The following KCNB2 variants were observed in gnomAD, a reference collection of about 807,000 sequenced individuals.
KCNB2 encodes potassium voltage-gated channel subfamily B member 2.
Under a neutral mutation model 61.5 loss-of-function variants are expected in KCNB2, and 15 were observed. The observed-to-expected ratio is 0.24, with a 90% CI of 0.16 to 0.38. The LOEUF (loss-of-function observed/expected upper bound fraction) is 0.38, where lower values mean the gene tolerates loss of function less well. KCNB2 is among the 10% of genes least tolerant of loss of function. The pLI, the probability that KCNB2 is intolerant of heterozygous loss-of-function variation, is 1.00. For missense variants in KCNB2, 828 were observed against 1,125.2 expected, an observed-to-expected ratio of 0.74 and a Z score of 3.78; for synonymous variants, 457 against 446.0, an observed-to-expected ratio of 1.02 and a Z score of -0.31.
chr8:72,712,811 G>A (rs1241142679), intron 2 of KCNB2, among the ~76,000 whole-genome samples: 1 of 152,124 alleles, frequency 6.6e-6, no homozygotes, highest in East Asian at 1.9e-4. Flanking sequence ...CTGGGCAGTG[G>A]GTTCAGGACA....
intron 1 of KCNB2, among the ~76,000 whole-genome samples, chr8:72,550,713 C>T (rs145065392): frequency 1.7e-3 from 263 of 152,260 alleles, no homozygotes; most frequent in African/African-American, 5.8e-3. Context: ...TATTTTCTGA[C>T]AGTCAGGAAA....
chr8:72,873,480 G>A (rs1470858822), intron 2 of KCNB2, among the ~76,000 whole-genome samples: 2 of 152,226 alleles, frequency 1.3e-5, no homozygotes, highest in African/African-American at 2.4e-5. Context: ...AATAGTGAAA[G>A]CAGTGTTCCT....
chr8:72,919,560 G>T (rs187031267), intron 2 of KCNB2, among the ~76,000 whole-genome samples: 153 of 152,290 alleles, frequency 1.0e-3, no homozygotes, highest in African/African-American at 3.7e-3. Context: ...CCTCCCCTTT[G>T]CAGCTGATGA....
chr8:72,748,384 A>G (rs933480438), intron 2 of KCNB2, among the ~76,000 whole-genome samples: 7 of 152,116 alleles, frequency 4.6e-5, no homozygotes, highest in Non-Finnish European at 1.0e-4. Flanking sequence ...TCTGTTCTGG[A>G]TGATTGCAAA....
intron 2 of KCNB2, among the ~76,000 whole-genome samples, chr8:72,865,798 C>T (rs1266134011): frequency 1.3e-5 from 2 of 152,164 alleles, no homozygotes; most frequent in African/African-American, 2.4e-5. Context: ...CTCAGCAAAA[C>T]ATCCCCTGAC....
chr8:72,714,373 T>A (rs1322016946), intron 2 of KCNB2, among the ~76,000 whole-genome samples: 1 of 151,958 alleles, frequency 6.6e-6, no homozygotes, highest in Non-Finnish European at 1.5e-5. Context: ...TTCACCAAAG[T>A]TGAAATGAAG....
At chr8:72,851,848 A>AAAAAAAAAAAAAAAC (rs869038932) in intron 2 of KCNB2, among the ~76,000 whole-genome samples, 27 of 145,744 alleles carry the variant, frequency 1.9e-4, no homozygotes, top group Non-Finnish European at 3.6e-4. Flanking sequence ...AAAAAAAAAA[A>AAAAAAAAAAAAAAAC]CACGTACTGC....
At chr8:72,828,386 T>C (rs751426061) in intron 2 of KCNB2, among the ~76,000 whole-genome samples, 1 of 152,234 alleles carries the variant, frequency 6.6e-6, no homozygotes, top group Non-Finnish European at 1.5e-5. Flanking sequence ...TTAATGTTCA[T>C]GCTATGAGGC....
intron 2 of KCNB2, among the ~76,000 whole-genome samples, chr8:72,624,538 A>G (rs1038166218): frequency 2.0e-5 from 3 of 151,336 alleles, no homozygotes; most frequent in Non-Finnish European, 4.4e-5. Context: ...TTTTTTTTTC[A>G]TTGAACAAGG....
chr8:72,608,161 G>A (rs1008942909), intron 2 of KCNB2, among the ~76,000 whole-genome samples: 2 of 152,160 alleles, frequency 1.3e-5, no homozygotes, highest in African/African-American at 4.8e-5. Context: ...AGATCTTGAG[G>A]CTGAAGAAAG....
At chr8:72,919,319 A>G (rs906545327) in intron 2 of KCNB2, among the ~76,000 whole-genome samples, 1 of 152,158 alleles carries the variant, frequency 6.6e-6, no homozygotes, top group Non-Finnish European at 1.5e-5. Flanking sequence ...AGTGGCCCCC[A>G]CAAGGCACAT....
intron 2 of KCNB2, among the ~76,000 whole-genome samples, chr8:72,666,064 A>G (rs936310451): frequency 6.6e-6 from 1 of 151,666 alleles, no homozygotes; most frequent in Non-Finnish European, 1.5e-5. Flanking sequence ...CCATGTGTCT[A>G]TTTTTTTTTA....
chr8:72,627,226 C>G (rs148810928), intron 2 of KCNB2, among the ~76,000 whole-genome samples: 1 of 152,242 alleles, frequency 6.6e-6, no homozygotes, highest in African/African-American at 2.4e-5. Context: ...GAAGAGGATG[C>G]AAAAACTTGA....
chr8:72,926,776 T>C (rs1213103587), intron 2 of KCNB2, among the ~76,000 whole-genome samples: 1 of 152,172 alleles, frequency 6.6e-6, no homozygotes, highest in Non-Finnish European at 1.5e-5. Flanking sequence ...TCATATATAT[T>C]TGAATAATGT....
chr8:72,909,200 C>A (rs1806235508), intron 2 of KCNB2, among the ~76,000 whole-genome samples: 2 of 152,158 alleles, frequency 1.3e-5, no homozygotes, highest in South Asian at 4.1e-4. Context: ...GCACAGAGAG[C>A]TGTGGGCTCA....
intron 2 of KCNB2, among the ~76,000 whole-genome samples, chr8:72,917,489 T>G (rs186896621): frequency 5.5e-4 from 83 of 152,250 alleles, no homozygotes; most frequent in African/African-American, 2.0e-3. Flanking sequence ...AAATCCAGAG[T>G]TAAAAGCCTG....
chr8:72,728,113 A>G (rs1807682350), intron 2 of KCNB2, among the ~76,000 whole-genome samples: 1 of 152,172 alleles, frequency 6.6e-6, no homozygotes, highest in Non-Finnish European at 1.5e-5. Flanking sequence ...TTGCAGAAGA[A>G]TGGAGGCCAA....
chr8:72,930,568 T>C (rs80211129), intron 2 of KCNB2, among the ~76,000 whole-genome samples: 73,525 of 152,070 alleles, frequency 0.48, 18,394 homozygotes, highest in East Asian at 0.89. Context: ...CATTTTTTCA[T>C]GTGTCTGTTG....
chr8:72,611,474 C>T (rs768254015), intron 2 of KCNB2, among the ~76,000 whole-genome samples: 3 of 152,132 alleles, frequency 2.0e-5, no homozygotes, highest in Non-Finnish European at 4.4e-5. Flanking sequence ...CCAACATCTC[C>T]CTTGTTATTT....
Sources: gnomAD v4.1 joint callset for allele counts (sites outside exome capture counted in the v4.1 genomes callset) on GRCh38, gnomAD v4.1.1 for gene constraint, MANE v1.5 for transcripts, NCBI Gene and HGNC (gene_info 2026-07-23, HGNC 2026-07-21) for gene names.